XPO1: variants seen among roughly 807,000 people sequenced by gnomAD.
The protein encoded by XPO1 is exportin-1.
A neutral mutation model predicts 133.3 loss-of-function variants in XPO1; 5 were observed. The observed-to-expected ratio is 0.04, with a 90% CI of 0.02 to 0.08. The LOEUF (loss-of-function observed/expected upper bound fraction) is 0.08, where lower values mean the gene tolerates loss of function less well. Ranked by LOEUF, XPO1 falls within the 10% of genes least tolerant of loss-of-function variation. The probability of loss-of-function intolerance (pLI) is 1.00; values close to 1 mark genes in which losing one functional copy is unlikely to be tolerated. For synonymous variants in XPO1, 419 were observed against 408.2 expected (o/e 1.03, Z -0.32); for missense variants, 506 against 1,267.5 (o/e 0.40, Z 9.12).
intron 3 of XPO1, among the ~76,000 whole-genome samples, chr2:61,523,600 T>C (rs779771407): frequency 1.3e-5 from 2 of 152,208 alleles, no homozygotes. Flanking sequence ...AGCTATAATA[T>C]CTGAAAGGTA....
intron 9 of XPO1, among the ~76,000 whole-genome samples, 175 bp from the exon 10 acceptor site, chr2:61,497,182 T>G (rs1697279128): frequency 6.6e-6 from 1 of 152,212 alleles, no homozygotes; most frequent in Admixed American, 6.5e-5. Flanking sequence ...GGAATTTTAT[T>G]GCCTACCTAG....
intron 17 of XPO1, 65 bp downstream of exon 17, chr2:61,490,577 C>T (rs1696932103): frequency 6.3e-7 from 1 of 1,599,170 alleles, no homozygotes; most frequent in East Asian, 2.2e-5. Context: ...GAATTCAATA[C>T]ATTTGTAAAG....
chr2:61,483,104 G>C lies in XPO1; in HGVS notation c.2678-13C>G. On this transcript the variant is annotated splice_polypyrimidine_tract_variant and intron_variant, in intron 21 of 24. Coordinates refer to ENST00000401558, the MANE Select transcript of XPO1 (RefSeq NM_003400.4). ...AGTATCTGTAAGCCTAAAAGACATA[G>C]AATACCAATGGAAAGTTACTACAGA... The C allele has an allele frequency of 6.2e-7, 1 of 1,603,032 alleles. No individual in the cohort carries two copies.
intron 21 of XPO1, chr2:61,483,617 G>A (rs1004440669): frequency 2.5e-4 from 51 of 205,214 alleles, no homozygotes; most frequent in Non-Finnish European, 5.8e-5. Flanking sequence ...TCTAAGTTAT[G>A]ACTATTACCA....
At chr2:61,496,274 T>G (rs534367288) in intron 10 of XPO1, among the ~76,000 whole-genome samples, 2 of 152,322 alleles carry the variant, frequency 1.3e-5, no homozygotes, top group African/African-American at 4.8e-5. Context: ...TGCAATAGTG[T>G]GACCATAGCT....
intron 2 of XPO1, among the ~76,000 whole-genome samples, chr2:61,532,201 C>G (rs903620778): frequency 6.6e-6 from 1 of 152,114 alleles, no homozygotes; most frequent in Admixed American, 6.5e-5. Flanking sequence ...AACCTCGGCT[C>G]ACTGCAAGCT....
At position 61,490,779 on chromosome 2, in the gene XPO1, A is replaced by G. The variant is rs1304059484; in HGVS notation, c.1888-3T>C. On this transcript the variant is annotated splice_region_variant and splice_polypyrimidine_tract_variant and intron_variant, in intron 16 of 24. Transcript: ENST00000401558. The stretch of plus-strand genomic sequence containing the variant: ...ACAGCTTCATAAAACGTATGAACCT[A>G]TTTTAAAAAGCAGACATTTTAACGT... 1 of 1,610,424 alleles carries G rather than the reference A, an allele frequency of 6.2e-7. No individual in the cohort carries two copies.
chr2:61,507,011 T>C (rs1185365130), intron 4 of XPO1, among the ~76,000 whole-genome samples: 1 of 151,482 alleles, frequency 6.6e-6, no homozygotes, highest in African/African-American at 2.4e-5. Context: ...GGGCAGATCA[T>C]CTGAGGTCAA....
At chr2:61,526,303 TTAACAA>T in intron 3 of XPO1, 111 bp downstream of exon 3, 1 of 1,456,314 alleles carries the variant, frequency 6.9e-7, no homozygotes, top group Non-Finnish European at 9.0e-7. Context: ...TTGAAACAAA[TTAACAA>T]TATAAAATAA....
intron 4 of XPO1, among the ~76,000 whole-genome samples, chr2:61,513,390 G>C (rs1698194652): frequency 7.2e-6 from 1 of 138,236 alleles, no homozygotes; most frequent in Non-Finnish European, 1.5e-5. Context: ...TTTTGAGAGA[G>C]AGTCTTGCTC....
At chr2:61,491,296 A>G (rs1696970390) in intron 16 of XPO1, among the ~76,000 whole-genome samples, 1 of 152,038 alleles carries the variant, frequency 6.6e-6, no homozygotes, top group East Asian at 1.9e-4. Flanking sequence ...CCCCGTCTCT[A>G]CTAAAAATAA....
intron 2 of XPO1, among the ~76,000 whole-genome samples, chr2:61,529,508 T>C (rs1036514112): frequency 6.6e-6 from 1 of 151,830 alleles, no homozygotes; most frequent in African/African-American, 2.4e-5. Context: ...ATTCAAAAAT[T>C]AGCTGGGCAT....
chr2:61,527,763 C>T (rs975522754), intron 2 of XPO1, among the ~76,000 whole-genome samples: 6 of 151,964 alleles, frequency 3.9e-5, no homozygotes, highest in Non-Finnish European at 7.4e-5. Context: ...AAACTATTTC[C>T]GTTTTTATTT....
At chr2:61,527,321 C>CAAAA (rs35556629) in intron 2 of XPO1, among the ~76,000 whole-genome samples, 3 of 92,638 alleles carry the variant, frequency 3.2e-5, no homozygotes, top group Admixed American at 1.2e-4. Flanking sequence ...CATGACTCTC[C>CAAAA]AAAAAAAAAA....
chr2:61,488,132 C>G (rs2104380291), intron 19 of XPO1, 33 bp downstream of exon 19: 2 of 1,580,088 alleles, frequency 1.3e-6, no homozygotes, highest in Non-Finnish European at 1.7e-6. Flanking sequence ...AGCATCAACA[C>G]TAGAAATCAA....
In XPO1 at chr2:61,492,260, C is replaced by T; in HGVS notation, c.1724-62G>A. The T allele has an allele frequency of 6.3e-7, 1 of 1,585,492 alleles. No homozygotes were observed. Among genetic ancestry groups the T allele is most frequent in the Non-Finnish European group, 8.5e-7 (1 of 1,171,252 alleles). ...ACTCCATCATGGGTCTCTAACAAGA[C>T]AAAAACATTCATTTATTTTCTTCAA... On this transcript the variant is annotated intron_variant, in intron 15 of 24. Coordinates refer to ENST00000401558, the MANE Select transcript of XPO1 (RefSeq NM_003400.4). The surrounding 1 kb of genome is among the most constrained non-coding windows in gnomAD (Gnocchi z 5.6).
At chr2:61,482,353 TC>T (rs1558626568) in intron 23 of XPO1, 26 bp downstream of exon 23, 1 of 1,572,756 alleles carries the variant, frequency 6.4e-7, no homozygotes, top group Non-Finnish European at 8.6e-7. Context: ...CCAGGAACAT[TC>T]TACGTTTATT....
intron 11 of XPO1, 98 bp downstream of exon 11, chr2:61,495,354 TAAG>T (rs1488334402): frequency 7.5e-6 from 7 of 931,426 alleles, no homozygotes; most frequent in African/African-American, 1.7e-5. Flanking sequence ...TATTAAGTAA[TAAG>T]AAATCTCAAA....
rs554032671 is a variant in XPO1 at position 61,502,473 on chromosome 2, G to A, written c.302-163C>T. ...TGGCATTTTAAAAAAATTCCGGCCC[G>A]GTGCGGTGGCTCACGCTTGTAATCC... On this transcript the variant is annotated intron_variant, in intron 4 of 24. Transcript: ENST00000401558. 2.5e-4 allele frequency: 157 copies of A among 636,874 alleles called. 1 individual carries two copies. Among genetic ancestry groups the A allele is most frequent in the South Asian group, 2.2e-3 (103 of 46,736 alleles). The allele number at this position is 636,874 out of a possible 1,614,324, so 39.5% of individuals were successfully genotyped here.
Sources: gnomAD v4.1 joint callset for allele counts (sites outside exome capture counted in the v4.1 genomes callset) on GRCh38, gnomAD v4.1.1 for gene constraint, Gnocchi (gnomAD v3.1) non-coding constraint, MANE v1.5 for transcripts, NCBI Gene and HGNC (gene_info 2026-07-23, HGNC 2026-07-21) for gene names.